AIF1L: variants seen among roughly 807,000 people sequenced by gnomAD.
The protein encoded by AIF1L is allograft inflammatory factor 1 like.
AIF1L carries 12 observed loss-of-function variants against 20.7 expected under a neutral mutation model. The ratio of observed to expected loss-of-function variants is 0.58; its 90% CI spans 0.37 to 0.94. The LOEUF (loss-of-function observed/expected upper bound fraction) is 0.94. Among genes scored for constraint, AIF1L ranks in the 40% least tolerant of loss-of-function variants. The pLI is 0.01. For synonymous variants in AIF1L, 76 were observed against 65.1 expected, an observed-to-expected ratio of 1.17 and a Z score of -0.81; for missense variants, 173 against 185.3, an observed-to-expected ratio of 0.93 and a Z score of 0.39.
At position 131,113,390 on chromosome 9, in the gene AIF1L, C is replaced by T. The variant is rs569948945; in HGVS notation, c.161-1187C>T. Among the ~76,000 whole-genome samples the T allele has an allele frequency of 1.9e-4, 28 of 149,666 alleles. 3 individuals are homozygous for T. Among genetic ancestry groups the T allele is most frequent in the Admixed American group, 1.5e-3 (22 of 14,842 alleles). On this transcript the variant is annotated intron_variant, in intron 3 of 5. Coordinates refer to ENST00000247291, the MANE Select transcript of AIF1L (RefSeq NM_031426.4). ...GTGGGTGCCTGTAATGCCAGCTACT[C>T]GGGAGGCTGAGACAGGAGGATTGCT...
At chr9:131,103,343 G>A (rs1239495010) in intron 2 of AIF1L, among the ~76,000 whole-genome samples, 1 of 152,190 alleles carries the variant, frequency 6.6e-6, no homozygotes, top group Non-Finnish European at 1.5e-5. Flanking sequence ...AGGACTTCAG[G>A]GCATCACGGA....
intron 2 of AIF1L, among the ~76,000 whole-genome samples, chr9:131,099,729 C>CT (rs5900920): frequency 0.028 from 3,114 of 112,994 alleles, 63 homozygotes; most frequent in South Asian, 0.051. Flanking sequence ...TCAGCCTTAG[C>CT]TTTTTTTTTT....
chr9:131,110,322 C>T (rs909030317), intron 2 of AIF1L, among the ~76,000 whole-genome samples: 1 of 152,126 alleles, frequency 6.6e-6, no homozygotes, highest in Non-Finnish European at 1.5e-5. Context: ...CCTCCCCACC[C>T]TGCCCATCTG....
intron 2 of AIF1L, chr9:131,107,783 G>A (rs536318754): frequency 1.2e-4 from 19 of 152,242 alleles, no homozygotes; most frequent in South Asian, 8.3e-4. Flanking sequence ...CCAAAGTCTG[G>A]GAATCACTGA....
intron 2 of AIF1L, among the ~76,000 whole-genome samples, chr9:131,102,019 C>T (rs1213880799): frequency 2.6e-5 from 4 of 152,148 alleles, no homozygotes; most frequent in African/African-American, 4.8e-5. Flanking sequence ...CAAGTTCAAG[C>T]GATTCCCCTG....
At position 131,121,120 on chromosome 9, in the gene AIF1L, T is replaced by C; in HGVS notation, c.*798T>C. 1.4e-6 allele frequency: 1 copy of C among 714,464 alleles called. No homozygotes were observed. The highest frequency in any genetic ancestry group is 1.5e-5 in the South Asian group (1 of 66,576). 44.3% of individuals were successfully genotyped at this position (714,464 alleles called of 1,614,324 possible). A position where few individuals can be genotyped will look rare whatever the true frequency, so the allele number is the denominator to read the frequency against. ...CTGTTCCACCTTTTAGGGAGGTTAC[T>C]GAGGGGACCAGGATGGGAGAATGAG... On this transcript the variant is annotated 3_prime_UTR_variant, in exon 6 of 6. Transcript: ENST00000247291.
intron 2 of AIF1L, among the ~76,000 whole-genome samples, chr9:131,102,189 A>T (rs1830653970): frequency 6.6e-6 from 1 of 152,132 alleles, no homozygotes; most frequent in African/African-American, 2.4e-5. Flanking sequence ...CTGGGATTGC[A>T]GGTATGAGCC....
At chr9:131,108,876 G>A (rs1830810514) in intron 2 of AIF1L, among the ~76,000 whole-genome samples, 1 of 152,212 alleles carries the variant, frequency 6.6e-6, no homozygotes, top group Admixed American at 6.5e-5. Flanking sequence ...GGGAGACTGA[G>A]ATCCAAACCC....
chr9:131,114,779 G>A (rs1448173167), intron 4 of AIF1L, among the ~76,000 whole-genome samples, 161 bp downstream of exon 4: 1 of 152,060 alleles, frequency 6.6e-6, no homozygotes, highest in African/African-American at 2.4e-5. Context: ...TGGCACCACT[G>A]CCCTCAGACT....
At chr9:131,112,676 G>T (rs1056721036) in intron 3 of AIF1L, among the ~76,000 whole-genome samples, 1 of 152,130 alleles carries the variant, frequency 6.6e-6, no homozygotes, top group African/African-American at 2.4e-5. Context: ...ACTCATGTCG[G>T]TCTGGCTCCA....
chr9:131,115,314 G>C (rs1461357080), intron 4 of AIF1L, among the ~76,000 whole-genome samples: 1 of 151,950 alleles, frequency 6.6e-6, no homozygotes, highest in Admixed American at 6.6e-5. Context: ...GCTGGGTGTG[G>C]TGGCGGGTGC....
At chr9:131,117,991 G>A in intron 5 of AIF1L, 73 bp downstream of exon 5, 2 of 1,480,538 alleles carry the variant, frequency 1.4e-6, no homozygotes, top group Admixed American at 2.2e-5. Flanking sequence ...CTGGCTCTGG[G>A]CACCCCAGCC....
intron 5 of AIF1L, among the ~76,000 whole-genome samples, chr9:131,118,356 A>G (rs993918686): frequency 1.3e-5 from 2 of 151,888 alleles, no homozygotes; most frequent in African/African-American, 4.8e-5. Flanking sequence ...GCCTCCCAAA[A>G]TGTTAGGATT....
chr9:131,104,847 A>G lies in AIF1L; in HGVS notation c.94-6750A>G, dbSNP rs143160475. On this transcript the variant is annotated intron_variant, in intron 2 of 5. Coordinates refer to ENST00000247291, the MANE Select transcript of AIF1L (RefSeq NM_031426.4). ...CAGGAGGTTGAGGTTGCAGTGGGCTATGATTGTGCCACTGCACTCCAGCCT... is the reference window on the plus strand; with the variant it reads ...CAGGAGGTTGAGGTTGCAGTGGGCTGTGATTGTGCCACTGCACTCCAGCCT... 2.9e-3 allele frequency among the ~76,000 whole-genome samples: 432 copies of G among 151,020 alleles called. 2 individuals carry two copies. The highest frequency in any genetic ancestry group is 8.5e-3 in the African/African-American group (348 of 41,064).
intron 5 of AIF1L, 68 bp downstream of exon 5, chr9:131,117,986 T>C: frequency 6.7e-7 from 1 of 1,492,266 alleles, no homozygotes; most frequent in Non-Finnish European, 9.0e-7. Context: ...GGCCCCTGGC[T>C]CTGGGCACCC....
chr9:131,106,176 C>T, intron 2 of AIF1L: 2 of 1,532,042 alleles, frequency 1.3e-6, no homozygotes, highest in Non-Finnish European at 1.7e-6. Context: ...CTGATACCCA[C>T]TTCCTCCTCA....
chr9:131,122,610 CAG>C lies in AIF1L; in HGVS notation c.*2293_*2294del, dbSNP rs1831165010. Reference sequence around the variant, plus strand: ...ATATTCAGTGTCCCTGTTCCTCACTCAGAGAGGAAGGCAGAACCAGTCAGGCT... The same window carrying C: ...ATATTCAGTGTCCCTGTTCCTCACTCAGAGGAAGGCAGAACCAGTCAGGCT... On this transcript the variant is annotated 3_prime_UTR_variant, in exon 6 of 6. Transcript: ENST00000247291. The C allele has an allele frequency of 6.6e-6, 1 of 152,178 alleles. No individual in the cohort carries two copies. Among genetic ancestry groups the C allele is most frequent in the Non-Finnish European group, 1.5e-5 (1 of 68,044 alleles). The allele number at this position is 152,178 out of a possible 1,614,324, so 9.4% of individuals were successfully genotyped here.
At chr9:131,107,407 G>T (rs1324964999) in intron 2 of AIF1L, among the ~76,000 whole-genome samples, 1 of 152,342 alleles carries the variant, frequency 6.6e-6, no homozygotes, top group South Asian at 2.1e-4. Flanking sequence ...GGGCTGGTCG[G>T]TCCAGGCTGA....
At chr9:131,116,069 A>G (rs189180081) in intron 4 of AIF1L, among the ~76,000 whole-genome samples, 4 of 152,146 alleles carry the variant, frequency 2.6e-5, no homozygotes, top group African/African-American at 9.6e-5. Context: ...ACAAAAATGC[A>G]TCACCCACAA....
Sources: gnomAD v4.1 joint callset for allele counts (sites outside exome capture counted in the v4.1 genomes callset) on GRCh38, gnomAD v4.1.1 for gene constraint, MANE v1.5 for transcripts, NCBI Gene and HGNC (gene_info 2026-07-23, HGNC 2026-07-21) for gene names.